ANO2: variants seen among roughly 807,000 people sequenced by gnomAD.
ANO2 encodes anoctamin-2.
ANO2 carries 101 observed loss-of-function variants against 124.2 expected under a neutral mutation model. That is an observed-to-expected ratio of 0.81 (90% CI 0.69 to 0.96). The LOEUF is 0.96. Among genes scored for constraint, ANO2 ranks in the 40% least tolerant of loss-of-function variants. ANO2 has a pLI of 0.00. For missense variants in ANO2, 1,293 were observed against 1,274.5 expected (o/e 1.01, Z -0.22); for synonymous variants, 486 against 482.5 (o/e 1.01, Z -0.09).
chr12:5,775,988 G>A (rs1252597957), intron 10 of ANO2, among the ~76,000 whole-genome samples: 1 of 152,208 alleles, frequency 6.6e-6, no homozygotes, highest in Non-Finnish European at 1.5e-5. Context: ...CACGTATCAT[G>A]ATTGAGGGTG....
intron 12 of ANO2, among the ~76,000 whole-genome samples, chr12:5,743,626 C>T (rs1213386829): frequency 1.3e-5 from 2 of 152,098 alleles, no homozygotes; most frequent in African/African-American, 4.8e-5. Flanking sequence ...GGTGGGAATA[C>T]TGAAAGCATT....
intron 20 of ANO2, among the ~76,000 whole-genome samples, chr12:5,579,152 T>C (rs1487873820): frequency 6.6e-6 from 1 of 152,228 alleles, no homozygotes; most frequent in Non-Finnish European, 1.5e-5. Flanking sequence ...CATCACGCAT[T>C]TATGGAGAGC....
At chr12:5,752,002 T>C (rs1951455791) in intron 10 of ANO2, among the ~76,000 whole-genome samples, 1 of 152,218 alleles carries the variant, frequency 6.6e-6, no homozygotes, top group African/African-American at 2.4e-5. Flanking sequence ...CCTGGCTTAT[T>C]TCACTTAGCA....
chr12:5,648,618 A>AAACAGCTCTGCTAG, intron 14 of ANO2, among the ~76,000 whole-genome samples: 1 of 152,174 alleles, frequency 6.6e-6, no homozygotes, highest in Non-Finnish European at 1.5e-5. Context: ...AGCTCTGCTA[A>AAACAGCTCTGCTAG]TTAAACAGCT....
intron 1 of ANO2, among the ~76,000 whole-genome samples, chr12:5,932,717 A>G (rs1002718089): frequency 6.6e-6 from 1 of 152,160 alleles, no homozygotes; most frequent in African/African-American, 2.4e-5. Context: ...GAAGGAAAGT[A>G]GACCAGTGAG....
intron 10 of ANO2, among the ~76,000 whole-genome samples, chr12:5,791,562 G>T (rs1411615335): frequency 6.6e-6 from 1 of 152,174 alleles, no homozygotes; most frequent in Non-Finnish European, 1.5e-5. Flanking sequence ...GACATCCACT[G>T]AATGGAACTC....
intron 3 of ANO2, among the ~76,000 whole-genome samples, chr12:5,887,839 CTTT>C (rs1262320751): frequency 2.2e-5 from 3 of 138,388 alleles, no homozygotes; most frequent in Non-Finnish European, 4.7e-5. Context: ...TTTTTTTTTT[CTTT>C]TTTTTTTTTA....
intron 7 of ANO2, among the ~76,000 whole-genome samples, chr12:5,817,542 AG>A (rs1462351899): frequency 2.0e-5 from 3 of 152,346 alleles, no homozygotes; most frequent in Non-Finnish European, 4.4e-5. Context: ...CTCCAAGGAA[AG>A]GGCTTTAAGG....
At position 5,658,305 on chromosome 12, in the gene ANO2, G is replaced by A. The variant is rs1453130156; in HGVS notation, c.1546-10504C>T. ...GATTGCTGCTATGGAGATGAAATGA[G>A]GTAATGCATGGAATATACATAGAAC... On this transcript the variant is annotated intron_variant, in intron 14 of 24. Coordinates refer to ENST00000682330, the MANE Select transcript of ANO2 (RefSeq NM_001364791.2). The surrounding 1 kb of genome is among the most constrained non-coding windows in gnomAD (Gnocchi z 4.3). 3.9e-5 allele frequency among the ~76,000 whole-genome samples: 6 copies of A among 152,164 alleles called. No homozygotes were observed. The highest frequency in any genetic ancestry group is 7.3e-5 in the Non-Finnish European group (5 of 68,032).
chr12:5,940,081 GGATGGATGGATA>G (rs111405078), intron 1 of ANO2, among the ~76,000 whole-genome samples: 14,564 of 152,124 alleles, frequency 0.096, 1,100 homozygotes, highest in African/African-American at 0.2. Flanking sequence ...ATGGATGGAT[GGATGGATGGATA>G]GATGGATGGA....
At chr12:5,933,874 C>G (rs1942539376) in intron 1 of ANO2, among the ~76,000 whole-genome samples, 1 of 152,182 alleles carries the variant, frequency 6.6e-6, no homozygotes, top group Non-Finnish European at 1.5e-5. Context: ...CTTCCCTAAC[C>G]ACTGAAGGAA....
intron 3 of ANO2, among the ~76,000 whole-genome samples, chr12:5,902,086 C>CA (rs1940253873): frequency 6.6e-6 from 1 of 152,164 alleles, no homozygotes; most frequent in South Asian, 2.1e-4. Flanking sequence ...AGATTACACT[C>CA]AGAGATGTAT....
At chr12:5,584,886 T>G (rs1448454241) in intron 20 of ANO2, among the ~76,000 whole-genome samples, 1 of 152,166 alleles carries the variant, frequency 6.6e-6, no homozygotes, top group Non-Finnish European at 1.5e-5. Flanking sequence ...CACTCACTCA[T>G]GCATTCATTC....
Position 5,828,902 on chromosome 12 carries a change from A to C in ANO2, c.841-1082T>G, listed in dbSNP as rs115654272. ...AGAAGCAGGCACAGAGGAGACATCC[A>C]CAGATGTGGGTGAGGTCCTCCAACC... On this transcript the variant is annotated intron_variant, in intron 6 of 24. Coordinates refer to ENST00000682330, the MANE Select transcript of ANO2 (RefSeq NM_001364791.2). 2.8e-3 allele frequency among the ~76,000 whole-genome samples: 433 copies of C among 152,356 alleles called. 3 individuals carry two copies. Among genetic ancestry groups the C allele is most frequent in the African/African-American group, 9.4e-3 (389 of 41,592 alleles).
At chr12:5,708,304 C>A (rs1442057132) in intron 14 of ANO2, among the ~76,000 whole-genome samples, 1 of 152,198 alleles carries the variant, frequency 6.6e-6, no homozygotes. Flanking sequence ...GAACATTTTA[C>A]AATGCAAATC....
Position 5,811,258 on chromosome 12 carries a change from C to T in ANO2, c.893-3890G>A, listed in dbSNP as rs559941809. 5.5e-4 allele frequency among the ~76,000 whole-genome samples: 84 copies of T among 152,308 alleles called. 2 individuals carry two copies. Among genetic ancestry groups the T allele is most frequent in the African/African-American group, 1.9e-3 (78 of 41,572 alleles). On this transcript the variant is annotated intron_variant, in intron 7 of 24. Transcript: ENST00000682330. ...TGTGCTTTCATCCCTGCACTCCAGC[C>T]GGACGTAAATCTAAACCAGAACTCC...
chr12:5,812,010 T>G (rs145450977), intron 7 of ANO2, among the ~76,000 whole-genome samples: 3 of 150,518 alleles, frequency 2.0e-5, no homozygotes, highest in Non-Finnish European at 2.9e-5. Flanking sequence ...TTTATACTAA[T>G]TTTAAACACC....
rs1042167515 is a variant in ANO2 at position 5,894,981 on chromosome 12, T to G, written c.534+26059A>C. ...ATTGTCTTGGATATATGGGCTCTCT[T>G]TTGGTTCCATATGAAATTTAAAGTA... On this transcript the variant is annotated intron_variant, in intron 3 of 24. Coordinates refer to ENST00000682330, the MANE Select transcript of ANO2 (RefSeq NM_001364791.2). 4.6e-5 allele frequency among the ~76,000 whole-genome samples: 7 copies of G among 152,340 alleles called. 1 individual carries two copies. Among genetic ancestry groups the G allele is most frequent in the Admixed American group, 6.5e-5 (1 of 15,304 alleles).
rs554033336 is a variant in ANO2 at position 5,886,942 on chromosome 12, G to A, written c.535-32801C>T. 3.9e-5 allele frequency among the ~76,000 whole-genome samples: 6 copies of A among 152,244 alleles called. No individual in the cohort carries two copies. The East Asian group carries it at 7.7e-4, about 20-fold the overall frequency. On this transcript the variant is annotated intron_variant, in intron 3 of 24. Transcript: ENST00000682330. ...TTCCAAGGCTGGGTTGAGGGTGGCC[G>A]GAGCATTAGTGTGTGACGGGTACAG...
Sources: gnomAD v4.1 joint callset for allele counts (sites outside exome capture counted in the v4.1 genomes callset) on GRCh38, gnomAD v4.1.1 for gene constraint, Gnocchi (gnomAD v3.1) non-coding constraint, MANE v1.5 for transcripts, NCBI Gene and HGNC (gene_info 2026-07-23, HGNC 2026-07-21) for gene names.